CDH12: variants seen among roughly 807,000 people sequenced by gnomAD.
CDH12 encodes the protein cadherin-12.
CDH12 carries 41 observed loss-of-function variants against 74.1 expected under a neutral mutation model. That is an observed-to-expected ratio of 0.55 (90% CI 0.43 to 0.72). The LOEUF is 0.72. CDH12 is among the 30% of genes least tolerant of loss of function. CDH12 has a pLI of 0.00. For synonymous variants in CDH12, 399 were observed against 355.0 expected, an observed-to-expected ratio of 1.12 and a Z score of -1.39; for missense variants, 945 against 977.2, an observed-to-expected ratio of 0.97 and a Z score of 0.44.
At chr5:21,882,811 C>T in intron 6 of CDH12, 2 of 1,559,188 alleles carry the variant, frequency 1.3e-6, no homozygotes, top group Non-Finnish European at 1.8e-6. Context: ...CCCAACGTAA[C>T]AAAAGATGGT....
intron 1 of CDH12, among the ~76,000 whole-genome samples, chr5:22,637,351 T>C (rs1738894382): frequency 7.2e-6 from 1 of 138,222 alleles, no homozygotes; most frequent in East Asian, 1.9e-4. Flanking sequence ...TAACCTCATC[T>C]CCAGGCAATA....
chr5:22,212,593 A>G lies in CDH12; in HGVS notation c.-282T>C, dbSNP rs554961634. ...CGAAGTTTTCAATCAACACCCTCCA[A>G]GTAGCTGCATCCTGTGCTCCTTTTC... On this transcript the variant is annotated 5_prime_UTR_variant, in exon 4 of 15. Coordinates refer to ENST00000382254, the MANE Select transcript of CDH12 (RefSeq NM_004061.5). 1.7e-4 allele frequency: 165 copies of G among 985,748 alleles called. 2 individuals carry two copies. The African/African-American group carries it at 2.6e-3, about 16-fold the overall frequency. The allele number at this position is 985,748 out of a possible 1,614,324, so 61.1% of individuals were successfully genotyped here.
intron 1 of CDH12, among the ~76,000 whole-genome samples, chr5:22,820,397 C>G (rs1246821944): frequency 6.6e-6 from 1 of 151,940 alleles, no homozygotes; most frequent in Non-Finnish European, 1.5e-5. Context: ...CTGTACTGTT[C>G]TCATGATAGT....
At chr5:22,003,480 G>A (rs1407594991) in intron 5 of CDH12, among the ~76,000 whole-genome samples, 4 of 152,184 alleles carry the variant, frequency 2.6e-5, no homozygotes, top group Admixed American at 6.5e-5. Context: ...ATCATATGAA[G>A]AAAGCCAAAG....
At chr5:21,827,312 C>T (rs1182824454) in intron 8 of CDH12, among the ~76,000 whole-genome samples, 1 of 151,340 alleles carries the variant, frequency 6.6e-6, no homozygotes, top group Non-Finnish European at 1.5e-5. Context: ...TTTCAATTTA[C>T]TAAGTATTGA....
intron 1 of CDH12, among the ~76,000 whole-genome samples, chr5:22,752,303 T>C (rs1745620148): frequency 6.6e-6 from 1 of 151,940 alleles, no homozygotes; most frequent in Non-Finnish European, 1.5e-5. Flanking sequence ...TGTACATGTA[T>C]TATATTAATT....
intron 1 of CDH12, among the ~76,000 whole-genome samples, chr5:22,526,812 G>A (rs748711065): frequency 2.0e-5 from 3 of 152,128 alleles, no homozygotes; most frequent in Non-Finnish European, 2.9e-5. Context: ...AGCAGTTCTG[G>A]TGGCTTCCAA....
At chr5:22,287,351 A>T (rs1417911258) in intron 3 of CDH12, among the ~76,000 whole-genome samples, 2 of 152,142 alleles carry the variant, frequency 1.3e-5, no homozygotes, top group Admixed American at 1.3e-4. Context: ...AAGAAGTTTA[A>T]ATTTGATAAT....
intron 1 of CDH12, among the ~76,000 whole-genome samples, chr5:22,762,831 A>G (rs1415036525): frequency 6.6e-6 from 1 of 152,024 alleles, no homozygotes; most frequent in African/African-American, 2.4e-5. Flanking sequence ...TTGCTTTTCA[A>G]ATAACAGTTT....
At chr5:21,782,937 T>A (rs1434075024) in intron 11 of CDH12, among the ~76,000 whole-genome samples, 2 of 152,132 alleles carry the variant, frequency 1.3e-5, no homozygotes, top group African/African-American at 2.4e-5. Context: ...AAAAGGAAGA[T>A]GTATGAGTTT....
At chr5:22,733,754 C>T (rs1744551510) in intron 1 of CDH12, among the ~76,000 whole-genome samples, 1 of 151,880 alleles carries the variant, frequency 6.6e-6, no homozygotes, top group Non-Finnish European at 1.5e-5. Flanking sequence ...AGGGGGGTTC[C>T]TTCCTGGACA....
intron 1 of CDH12, among the ~76,000 whole-genome samples, chr5:22,585,773 T>G (rs1740365158): frequency 1.3e-5 from 2 of 152,316 alleles, no homozygotes; most frequent in East Asian, 3.9e-4. Flanking sequence ...TTTACTTTTT[T>G]GGAGCTTTAT....
chr5:22,464,371 C>T (rs1745641180), intron 2 of CDH12, among the ~76,000 whole-genome samples: 1 of 152,166 alleles, frequency 6.6e-6, no homozygotes, highest in African/African-American at 2.4e-5. Context: ...TCTTTATTGT[C>T]ATTTTCATGT....
chr5:21,857,664 G>C (rs1750822913), intron 6 of CDH12, among the ~76,000 whole-genome samples: 1 of 151,826 alleles, frequency 6.6e-6, no homozygotes, highest in Middle Eastern at 3.2e-3. Context: ...GAGGCATCAG[G>C]AGATGCCCAC....
At chr5:22,766,793 G>T (rs1020822449) in intron 1 of CDH12, among the ~76,000 whole-genome samples, 8 of 152,070 alleles carry the variant, frequency 5.3e-5, no homozygotes, top group Non-Finnish European at 1.2e-4. Flanking sequence ...CCTTGTATTA[G>T]ATATTATACA....
At chr5:22,220,275 T>G (rs1751967195) in intron 3 of CDH12, among the ~76,000 whole-genome samples, 1 of 151,730 alleles carries the variant, frequency 6.6e-6, no homozygotes, top group Non-Finnish European at 1.5e-5. Context: ...CAGATGTTAT[T>G]GAGAAAATAT....
intron 1 of CDH12, among the ~76,000 whole-genome samples, chr5:22,555,352 G>T (rs555095315): frequency 5.3e-5 from 8 of 151,906 alleles, no homozygotes; most frequent in Non-Finnish European, 1.2e-4. Flanking sequence ...AATCTTTCTT[G>T]TATGCTTCAT....
At chr5:22,308,664 A>G (rs1210834591) in intron 3 of CDH12, among the ~76,000 whole-genome samples, 1 of 152,124 alleles carries the variant, frequency 6.6e-6, no homozygotes, top group Non-Finnish European at 1.5e-5. Flanking sequence ...ATTCAGGATA[A>G]TCTCCCTATT....
At chr5:22,282,385 T>C (rs1176717661) in intron 3 of CDH12, among the ~76,000 whole-genome samples, 2 of 152,068 alleles carry the variant, frequency 1.3e-5, no homozygotes, top group Non-Finnish European at 2.9e-5. Flanking sequence ...AAAGCCAAAA[T>C]TGATAAATGG....
Sources: allele counts gnomAD v4.1 joint callset (sites outside exome capture counted in the v4.1 genomes callset), GRCh38; gene constraint gnomAD v4.1.1; transcripts MANE v1.5; gene names NCBI Gene and HGNC (gene_info 2026-07-23, HGNC 2026-07-21).